Variants in HGD observed in about 807,000 individuals in gnomAD.
HGD encodes homogentisate oxidase.
Under a neutral mutation model 60.8 loss-of-function variants are expected in HGD, and 61 were observed. That is an observed-to-expected ratio of 1.00 (90% CI 0.82 to 1.24). The LOEUF is 1.24. Among genes scored for constraint, HGD ranks in the 50% most tolerant of loss-of-function variants. HGD has a pLI of 0.00. For missense variants in HGD, 542 were observed against 547.1 expected, an observed-to-expected ratio of 0.99 and a Z score of 0.09; for synonymous variants, 212 against 187.7, an observed-to-expected ratio of 1.13 and a Z score of -1.06.
chr3:120,674,517 T>G lies in HGD; in HGVS notation c.176+384A>C, dbSNP rs1202056720. 3 of 256,510 alleles carry G rather than the reference T, an allele frequency of 1.2e-5. No individual in the cohort carries two copies. In the East Asian group the frequency reaches 2.6e-4, roughly 22 times the overall value. The allele number at this position is 256,510 out of a possible 1,614,324, so 15.9% of individuals were successfully genotyped here. Reference sequence around the variant, plus strand: ...TCTAGTCAGCTGAGAAAGATATTGCTCTGAATCTTCCATAATTGTGACTTA... The same window carrying G: ...TCTAGTCAGCTGAGAAAGATATTGCGCTGAATCTTCCATAATTGTGACTTA... On this transcript the variant is annotated intron_variant, in intron 3 of 13. Transcript: ENST00000283871.
intron 13 of HGD, among the ~76,000 whole-genome samples, 175 bp from the exon 14 acceptor site, chr3:120,628,704 T>C (rs1940494403): frequency 6.6e-6 from 1 of 152,216 alleles, no homozygotes; most frequent in African/African-American, 2.4e-5. Context: ...GCTCTGGTCC[T>C]ACCATTTGTA....
rs565007209 is a variant in HGD, at chr3:120,640,308, C to T, written c.879+1281G>A. On this transcript the variant is annotated intron_variant, in intron 11 of 13. Coordinates refer to ENST00000283871, the MANE Select transcript of HGD (RefSeq NM_000187.4). Reference sequence around the variant, plus strand: ...AGGAAGGGAAATGACATTTTAATCACTGAAAACACATCAAAGTGCACAGAG... The same window carrying T: ...AGGAAGGGAAATGACATTTTAATCATTGAAAACACATCAAAGTGCACAGAG... Among the ~76,000 whole-genome samples the T allele has an allele frequency of 4.0e-5, 6 of 151,426 alleles. No individual in the cohort carries two copies. The East Asian group carries it at 9.7e-4, about 25-fold the overall frequency.
At chr3:120,630,470 G>A (rs147697621) in intron 13 of HGD, among the ~76,000 whole-genome samples, 2,396 of 151,936 alleles carry the variant, frequency 0.016, 71 homozygotes, top group African/African-American at 0.054. Context: ...AAACAAGGCC[G>A]CACACCTATA....
Position 120,648,382 on chromosome 3 carries a change from G to C in HGD, c.435-471C>G, listed in dbSNP as rs141570185. On this transcript the variant is annotated intron_variant, in intron 6 of 13. Transcript: ENST00000283871. ...CCAATGCGGCTCAAGTGGAGAGAGGGGAGGTGGCCTGATATGAGATTTGAC... is the reference window on the plus strand; with the variant it reads ...CCAATGCGGCTCAAGTGGAGAGAGGCGAGGTGGCCTGATATGAGATTTGAC... Among the ~76,000 whole-genome samples, 1,417 of 152,290 alleles carry C rather than the reference G, an allele frequency of 9.3e-3. 21 individuals are homozygous for C. The highest frequency in any genetic ancestry group is 0.032 in the African/African-American group (1,324 of 41,568).
At chr3:120,638,099 C>T (rs61799343) in intron 12 of HGD, among the ~76,000 whole-genome samples, 6,878 of 152,260 alleles carry the variant, frequency 0.045, 196 homozygotes, top group Non-Finnish European at 0.071. Context: ...TGTGATATGC[C>T]AGCTTCCCTC....
At chr3:120,638,421 C>A (rs1474619056) in intron 12 of HGD, 34 bp downstream of exon 12, 1 of 1,613,246 alleles carries the variant, frequency 6.2e-7, no homozygotes, top group Non-Finnish European at 8.5e-7. Flanking sequence ...GTCTCTTTGG[C>A]TTGCAAATGT....
intron 4 of HGD, among the ~76,000 whole-genome samples, chr3:120,667,723 C>A (rs1707932647): frequency 6.6e-6 from 1 of 152,282 alleles, no homozygotes. Flanking sequence ...AGCCCTGGAA[C>A]TCCCCAGCCT....
intron 4 of HGD, among the ~76,000 whole-genome samples, chr3:120,659,553 T>C (rs1330826979): frequency 6.6e-6 from 1 of 152,256 alleles, no homozygotes; most frequent in Non-Finnish European, 1.5e-5. Context: ...CATGTCACTA[T>C]TGGCATTTTT....
chr3:120,649,139 C>CTT (rs10572267), intron 6 of HGD, among the ~76,000 whole-genome samples: 37 of 94,394 alleles, frequency 3.9e-4, no homozygotes, highest in African/African-American at 7.8e-4. Context: ...TCTTCTTTTT[C>CTT]TTTTTTTTTT....
intron 4 of HGD, among the ~76,000 whole-genome samples, chr3:120,652,853 C>A (rs1338026163): frequency 1.3e-5 from 2 of 152,204 alleles, no homozygotes; most frequent in African/African-American, 4.8e-5. Flanking sequence ...TGCACGTGCA[C>A]ACACATGTTT....
chr3:120,679,417 A>AT (rs999842855), intron 1 of HGD, among the ~76,000 whole-genome samples: 63 of 152,326 alleles, frequency 4.1e-4, no homozygotes, highest in African/African-American at 1.4e-3. Flanking sequence ...AACATAGAAC[A>AT]TAGATTGTAA....
chr3:120,650,906 G>A (rs774992466), intron 5 of HGD, 41 bp from the exon 6 acceptor site: 11 of 1,492,836 alleles, frequency 7.4e-6, no homozygotes, highest in East Asian at 4.5e-5. Context: ...TAATGTGAAC[G>A]GTGCCCAAGA....
At chr3:120,629,226 C>T (rs911761884) in intron 13 of HGD, among the ~76,000 whole-genome samples, 1 of 152,198 alleles carries the variant, frequency 6.6e-6, no homozygotes, top group African/African-American at 2.4e-5. Context: ...TTAGACATTA[C>T]AGCTTCATCA....
In HGD at chr3:120,660,393, C is replaced by T. The variant is rs150541090; in HGVS notation, c.283-7742G>A. Among the ~76,000 whole-genome samples, 796 of 152,174 alleles carry T rather than the reference C, an allele frequency of 5.2e-3. 2 individuals are homozygous for T. Among genetic ancestry groups the T allele is most frequent in the Non-Finnish European group, 9.4e-3 (642 of 67,994 alleles). The stretch of plus-strand genomic sequence containing the variant: ...GTGGCTCACTTGAATTCTTCAGAAA[C>T]TTTGGAAGTTTGAGGAAAAAAAGGT... On this transcript the variant is annotated intron_variant, in intron 4 of 13. Coordinates refer to ENST00000283871, the MANE Select transcript of HGD (RefSeq NM_000187.4).
chr3:120,677,411 C>A (rs926790414), intron 1 of HGD, among the ~76,000 whole-genome samples: 1 of 152,130 alleles, frequency 6.6e-6, no homozygotes. Flanking sequence ...AAACAGCCCC[C>A]CTCCAGGTGC....
chr3:120,639,374 G>A (rs752555364), intron 11 of HGD, among the ~76,000 whole-genome samples: 2 of 152,148 alleles, frequency 1.3e-5, no homozygotes, highest in African/African-American at 2.4e-5. Flanking sequence ...TGCTGCAAAC[G>A]GACAGCCTAA....
intron 12 of HGD, among the ~76,000 whole-genome samples, chr3:120,636,478 T>C (rs1201542279): frequency 2.6e-5 from 4 of 152,078 alleles, no homozygotes; most frequent in Non-Finnish European, 5.9e-5. Context: ...GTAACCTCAA[T>C]ACAAGAACAA....
chr3:120,660,596 G>A (rs540927007), intron 4 of HGD, among the ~76,000 whole-genome samples: 9 of 152,238 alleles, frequency 5.9e-5, no homozygotes, highest in South Asian at 4.1e-4. Context: ...AGGCCGAGGC[G>A]GCCAGATCAC....
chr3:120,673,995 G>T (rs1471582012), intron 3 of HGD, among the ~76,000 whole-genome samples: 4 of 152,180 alleles, frequency 2.6e-5, no homozygotes, highest in Non-Finnish European at 4.4e-5. Flanking sequence ...TGCCTCCAGG[G>T]TGGCCATGAT....
Sources: allele counts gnomAD v4.1 joint callset (sites outside exome capture counted in the v4.1 genomes callset), GRCh38; gene constraint gnomAD v4.1.1; transcripts MANE v1.5; gene names NCBI Gene and HGNC (gene_info 2026-07-23, HGNC 2026-07-21).